The following KIAA0825 variants were observed in gnomAD, a reference collection of about 807,000 sequenced individuals.
KIAA0825 encodes uncharacterized protein KIAA0825.
A neutral mutation model predicts 147.6 loss-of-function variants in KIAA0825; 119 were observed. That is an observed-to-expected ratio of 0.81 (90% CI 0.69 to 0.94). KIAA0825 has a LOEUF of 0.94. Ranked by LOEUF, KIAA0825 falls within the 40% of genes least tolerant of loss-of-function variation. KIAA0825 has a pLI of 0.00. For synonymous variants in KIAA0825, 470 were observed against 518.1 expected (o/e 0.91, Z 1.26); for missense variants, 1,381 against 1,472.7 (o/e 0.94, Z 1.02).
In KIAA0825 at chr5:94,245,336, C is replaced by G. The variant is rs1439117988; in HGVS notation, c.3711-91212G>C. On this transcript the variant is annotated intron_variant, in intron 20 of 20. Transcript: ENST00000682413. Reference sequence around the variant, plus strand: ...TCCAAATTTTTAATAAATCCCTCAGCAAACAGTTGTTCTGGTTGTGTATAT... The same window carrying G: ...TCCAAATTTTTAATAAATCCCTCAGGAAACAGTTGTTCTGGTTGTGTATAT... Among the ~76,000 whole-genome samples, 5 of 152,248 alleles carry G rather than the reference C, an allele frequency of 3.3e-5. No individual in the cohort carries two copies. In the East Asian group the frequency reaches 9.7e-4, roughly 29 times the overall value.
chr5:94,203,247 G>A (rs1771859966), intron 20 of KIAA0825, among the ~76,000 whole-genome samples: 1 of 152,186 alleles, frequency 6.6e-6, no homozygotes, highest in Non-Finnish European at 1.5e-5. Context: ...TCTCTCAGGT[G>A]TAGTAACCTT....
chr5:94,442,116 TA>T (rs1757157401), intron 13 of KIAA0825, among the ~76,000 whole-genome samples: 1 of 151,944 alleles, frequency 6.6e-6, no homozygotes, highest in African/African-American at 2.4e-5. Context: ...GGCAAACTTA[TA>T]GAAAAAAAAT....
intron 13 of KIAA0825, among the ~76,000 whole-genome samples, chr5:94,440,361 C>A (rs911025248): frequency 6.6e-6 from 1 of 152,144 alleles, no homozygotes; most frequent in Admixed American, 6.5e-5. Flanking sequence ...ATACAAAATA[C>A]CCATGCCTAT....
At chr5:94,216,001 C>T (rs1384403364) in intron 20 of KIAA0825, among the ~76,000 whole-genome samples, 3 of 152,150 alleles carry the variant, frequency 2.0e-5, no homozygotes, top group Non-Finnish European at 4.4e-5. Context: ...TATTATCTCA[C>T]TGCCCCACTT....
At chr5:94,156,299 A>G (rs1767024689) in intron 20 of KIAA0825, among the ~76,000 whole-genome samples, 1 of 152,174 alleles carries the variant, frequency 6.6e-6, no homozygotes. Context: ...TACTGTCAAA[A>G]AGTTTAAATA....
Position 94,582,736 on chromosome 5 carries a change from C to T in KIAA0825, c.-152-153G>A, listed in dbSNP as rs543305832. Among the ~76,000 whole-genome samples the T allele has an allele frequency of 1.1e-4, 17 of 152,248 alleles. No homozygotes were observed. In the South Asian group the frequency reaches 3.3e-3, roughly 30 times the overall value. On this transcript the variant is annotated intron_variant, in intron 1 of 20. Transcript: ENST00000682413. ...AAGAGATGTTGGAAATACACAAAAA[C>T]ATCCTGAAGATTACATACATAAGAA...
intron 20 of KIAA0825, among the ~76,000 whole-genome samples, chr5:94,350,609 TGCAGG>T (rs1783549839): frequency 6.6e-6 from 1 of 152,200 alleles, no homozygotes; most frequent in African/African-American, 2.4e-5. Flanking sequence ...ATACCAGGGA[TGCAGG>T]GATGGTTTAA....
intron 13 of KIAA0825, among the ~76,000 whole-genome samples, chr5:94,441,421 C>T (rs964227093): frequency 6.6e-6 from 1 of 152,130 alleles, no homozygotes; most frequent in Admixed American, 6.6e-5. Context: ...TCTTTCCTGC[C>T]TCTGCCTTTG....
At chr5:94,426,497 T>C (rs1356319155) in intron 14 of KIAA0825, among the ~76,000 whole-genome samples, 3 of 152,170 alleles carry the variant, frequency 2.0e-5, no homozygotes, top group African/African-American at 4.8e-5. Flanking sequence ...GTGGAGGCTA[T>C]AAAACTTGAT....
intron 20 of KIAA0825, among the ~76,000 whole-genome samples, chr5:94,182,821 A>G (rs1390987435): frequency 5.9e-5 from 9 of 152,148 alleles, no homozygotes; most frequent in Admixed American, 5.2e-4. Flanking sequence ...TATTATCTCA[A>G]TAACTTCAGA....
rs549711847 is a variant in KIAA0825 at position 94,608,732 on chromosome 5, G to A, written c.-153+9768C>T. ...GTAACTTCAATGAAAACATCAGACC[G>A]TATTTGTTGCCAATGATAAAATTTG... On this transcript the variant is annotated intron_variant, in intron 1 of 20. Coordinates refer to ENST00000682413, the MANE Select transcript of KIAA0825 (RefSeq NM_001145678.3). 7.3e-5 allele frequency among the ~76,000 whole-genome samples: 11 copies of A among 150,634 alleles called. No individual in the cohort carries two copies. The South Asian group carries it at 1.3e-3, about 17-fold the overall frequency.
intron 20 of KIAA0825, among the ~76,000 whole-genome samples, chr5:94,329,375 A>G (rs1781038703): frequency 6.6e-6 from 1 of 152,172 alleles, no homozygotes; most frequent in Non-Finnish European, 1.5e-5. Context: ...ACTTGAATAT[A>G]CAGATTGAAA....
chr5:94,266,486 G>T (rs1390810968), intron 20 of KIAA0825, among the ~76,000 whole-genome samples: 1 of 152,060 alleles, frequency 6.6e-6, no homozygotes, highest in Non-Finnish European at 1.5e-5. Flanking sequence ...ACCATTTGTT[G>T]AATTTTGGTG....
chr5:94,205,267 T>C (rs1772045811), intron 20 of KIAA0825, among the ~76,000 whole-genome samples: 1 of 50,804 alleles, frequency 2.0e-5, no homozygotes, highest in Non-Finnish European at 4.3e-5. Context: ...GACTATTTAA[T>C]CATATATATA....
intron 2 of KIAA0825, among the ~76,000 whole-genome samples, chr5:94,577,039 C>G (rs1425046191): frequency 1.3e-5 from 2 of 152,234 alleles, no homozygotes; most frequent in African/African-American, 4.8e-5. Flanking sequence ...ATTACTTACT[C>G]TTAATACTTG....
At position 94,462,533 on chromosome 5, in the gene KIAA0825, G is replaced by A. The variant is rs774600514; in HGVS notation, c.2100C>T (p.Asn700=). The A allele has an allele frequency of 2.0e-6, 3 of 1,537,142 alleles. No homozygotes were observed. Among genetic ancestry groups the A allele is most frequent in the Non-Finnish European group, 2.6e-6 (3 of 1,141,094 alleles). The change falls in exon 12 of 21, where the codon AAC becomes AAT. Residue 700 remains asparagine, a synonymous_variant. Transcript: ENST00000682413. ...DVTTILICTE[N]MLWSVCTSVQ... is the part of the protein sequence containing the mutation. ...CAGATGTACAAACTGACCATAACAT[G>A]TTCTCAGTGCATATCAAAATTGTTG...
intron 20 of KIAA0825, among the ~76,000 whole-genome samples, chr5:94,253,890 T>A (rs534913098): frequency 6.6e-6 from 1 of 152,306 alleles, no homozygotes; most frequent in South Asian, 2.1e-4. Flanking sequence ...TACTTAGGAC[T>A]GTTTTCTGTA....
chr5:94,541,376 G>A (rs1041998978), intron 2 of KIAA0825, among the ~76,000 whole-genome samples: 1 of 152,196 alleles, frequency 6.6e-6, no homozygotes, highest in African/African-American at 2.4e-5. Context: ...CAGTCTACAC[G>A]CAAGGCCTGT....
intron 20 of KIAA0825, among the ~76,000 whole-genome samples, chr5:94,244,024 G>C (rs925230095): frequency 2.6e-5 from 4 of 152,044 alleles, no homozygotes; most frequent in African/African-American, 9.7e-5. Context: ...TTCCTGGCCT[G>C]TCATGGTGAC....
Sources: allele counts gnomAD v4.1 joint callset (sites outside exome capture counted in the v4.1 genomes callset), GRCh38; gene constraint gnomAD v4.1.1; transcripts MANE v1.5; gene names NCBI Gene and HGNC (gene_info 2026-07-23, HGNC 2026-07-21).